The following ASCC3 variants were observed in gnomAD, a reference collection of about 807,000 sequenced individuals.
ASCC3 encodes activating signal cointegrator 1 complex subunit 3.
ASCC3 carries 158 observed loss-of-function variants against 256.3 expected under a neutral mutation model. The observed-to-expected ratio is 0.62, with a 90% CI of 0.54 to 0.70. The LOEUF is 0.70. ASCC3 is among the 30% of genes least tolerant of loss of function. The pLI is 0.00. For synonymous variants in ASCC3, 948 were observed against 883.4 expected, an observed-to-expected ratio of 1.07 and a Z score of -1.30; for missense variants, 2,259 against 2,626.0, an observed-to-expected ratio of 0.86 and a Z score of 3.05.
chr6:100,607,084 T>C lies in ASCC3; in HGVS notation c.4790A>G (p.Glu1597Gly), dbSNP rs773683481. 2 of 1,613,520 alleles carry C rather than the reference T, an allele frequency of 1.2e-6. No individual in the cohort carries two copies. Among genetic ancestry groups the C allele is most frequent in the Non-Finnish European group, 1.7e-6 (2 of 1,179,700 alleles). ...QWLNMDEREMENIIATVRDSN... is the reference protein window; with the variant it reads ...QWLNMDEREMGNIIATVRDSN... Reference sequence around the variant, plus strand: ...ATCTCTTACTGTTGCAATGATGTTCTCCATCTGCAAGTAAAAACAAAATTA... The same window carrying C: ...ATCTCTTACTGTTGCAATGATGTTCCCCATCTGCAAGTAAAAACAAAATTA... Residue 1597 changes from glutamate to glycine, a missense_variant, in exon 31 of 42, where the codon GAG becomes GGG. By Grantham distance (98) the Glu-to-Gly change is moderately conservative (BLOSUM62 -2). Transcript: ENST00000369162.
At chr6:100,840,949 AG>A (rs757515940) in intron 4 of ASCC3, among the ~76,000 whole-genome samples, 70 of 152,216 alleles carry the variant, frequency 4.6e-4, no homozygotes, top group Non-Finnish European at 8.8e-4. Flanking sequence ...AAAAAAAAAG[AG>A]AAAAAATTGA....
chr6:100,794,801 T>C (rs544860615), intron 8 of ASCC3, among the ~76,000 whole-genome samples: 2 of 152,054 alleles, frequency 1.3e-5, no homozygotes, highest in African/African-American at 4.8e-5. Flanking sequence ...CAGTAGTCCA[T>C]TTTTGCTGAA....
intron 37 of ASCC3, among the ~76,000 whole-genome samples, chr6:100,535,522 T>A (rs1005719061): frequency 3.7e-5 from 5 of 136,462 alleles, no homozygotes; most frequent in African/African-American, 5.6e-5. Context: ...CAGGCTAGAG[T>A]GCAGCAGCGC....
At chr6:100,585,262 G>T (rs1194500571) in intron 36 of ASCC3, among the ~76,000 whole-genome samples, 1 of 152,076 alleles carries the variant, frequency 6.6e-6, no homozygotes, top group African/African-American at 2.4e-5. Flanking sequence ...CATATTTCTT[G>T]GAGGCTTTGT....
At chr6:100,715,710 G>T (rs552849567) in intron 12 of ASCC3, among the ~76,000 whole-genome samples, 177 bp from the exon 13 acceptor site, 1 of 151,240 alleles carries the variant, frequency 6.6e-6, no homozygotes, top group Non-Finnish European at 1.5e-5. Context: ...AATATGCAAC[G>T]CAACTTAAAA....
At chr6:100,758,414 C>T (rs1334476439) in intron 10 of ASCC3, among the ~76,000 whole-genome samples, 3 of 152,032 alleles carry the variant, frequency 2.0e-5, no homozygotes, top group African/African-American at 7.2e-5. Flanking sequence ...GTTCCCCTCC[C>T]TGTGTCCATG....
At chr6:100,785,833 G>A (rs1003502604) in intron 8 of ASCC3, among the ~76,000 whole-genome samples, 1 of 152,082 alleles carries the variant, frequency 6.6e-6, no homozygotes, top group African/African-American at 2.4e-5. Flanking sequence ...AATACAGATG[G>A]ACCTTAGAAA....
In ASCC3 at chr6:100,662,005, C is replaced by A. The variant is rs765590286; in HGVS notation, c.2504G>T (p.Arg835Ile). The A allele has an allele frequency of 5.6e-6, 9 of 1,613,076 alleles. No homozygotes were observed. The highest frequency in any genetic ancestry group is 6.8e-6 in the Non-Finnish European group (8 of 1,179,420). Residue 835 changes from arginine (R) to isoleucine (I), a missense_variant, in exon 16 of 42, where the codon AGA (arginine) becomes ATA (isoleucine). By Grantham distance (97) the Arg-to-Ile change is moderately conservative. Around this residue, in one of 2 missense-constraint regions of ASCC3, gnomAD observed 1,839 missense variants for 2,206.7 expected, o/e 0.83. Transcript: ENST00000369162. ...IKGTQIYAAK[R>I]GSFVDLGILD... ...AATTCCAAGGTCAACAAAGGAGCCT[C>A]TTTTTGCAGCATATATTTGTGTTCC...
At chr6:100,847,550 A>C (rs1338704894) in intron 4 of ASCC3, among the ~76,000 whole-genome samples, 1 of 152,206 alleles carries the variant, frequency 6.6e-6, no homozygotes, top group Non-Finnish European at 1.5e-5. Context: ...AATGTGATTT[A>C]AAAATTCTTA....
intron 36 of ASCC3, among the ~76,000 whole-genome samples, chr6:100,585,110 A>G (rs1485215855): frequency 6.6e-6 from 1 of 151,976 alleles, no homozygotes; most frequent in Admixed American, 6.6e-5. Flanking sequence ...GTATTTCCTG[A>G]ATCTGAATGT....
chr6:100,774,322 ACATGACACGTACATGT>A (rs1186048514), intron 8 of ASCC3, among the ~76,000 whole-genome samples: 1 of 151,880 alleles, frequency 6.6e-6, no homozygotes, highest in Non-Finnish European at 1.5e-5. Flanking sequence ...ATGTGCATGT[ACATGACACGTACATGT>A]CATGACACGT....
chr6:100,771,360 TGA>T (rs1361769765), intron 8 of ASCC3, among the ~76,000 whole-genome samples: 1 of 152,168 alleles, frequency 6.6e-6, no homozygotes, highest in Admixed American at 6.5e-5. Context: ...TTTGTGAATG[TGA>T]GTTATGCCAA....
At chr6:100,780,261 T>C (rs575120302) in intron 8 of ASCC3, among the ~76,000 whole-genome samples, 177 of 152,328 alleles carry the variant, frequency 1.2e-3, no homozygotes, top group Non-Finnish European at 1.9e-3. Context: ...ATGTGGTTAA[T>C]GGCTACTATG....
intron 36 of ASCC3, among the ~76,000 whole-genome samples, chr6:100,550,985 A>G (rs1034025793): frequency 6.6e-6 from 1 of 151,960 alleles, no homozygotes; most frequent in Non-Finnish European, 1.5e-5. Context: ...TCTAAGTTTA[A>G]TAAGTTTAAT....
chr6:100,830,741 CAAG>C (rs1329319107), intron 4 of ASCC3, among the ~76,000 whole-genome samples: 1 of 152,156 alleles, frequency 6.6e-6, no homozygotes, highest in African/African-American at 2.4e-5. Flanking sequence ...ATTCAATTCA[CAAG>C]AAGATTATAT....
intron 20 of ASCC3, among the ~76,000 whole-genome samples, chr6:100,648,648 C>A (rs1020546630): frequency 2.0e-5 from 3 of 151,844 alleles, no homozygotes; most frequent in African/African-American, 7.2e-5. Flanking sequence ...CTTTATAAGG[C>A]CCAGAGAATA....
intron 36 of ASCC3, among the ~76,000 whole-genome samples, chr6:100,563,686 A>G (rs1464106830): frequency 6.6e-6 from 1 of 152,174 alleles, no homozygotes; most frequent in African/African-American, 2.4e-5. Context: ...GAACAATCCC[A>G]TATGTAAGGC....
intron 34 of ASCC3, among the ~76,000 whole-genome samples, chr6:100,599,767 G>A (rs1772502585): frequency 6.6e-6 from 1 of 152,128 alleles, no homozygotes; most frequent in Non-Finnish European, 1.5e-5. Flanking sequence ...TGGCCTCAGA[G>A]AATTATGTCT....
In ASCC3 at chr6:100,650,656, G is replaced by C. The variant is rs759766458; in HGVS notation, c.3134C>G (p.Ser1045Cys). 2 of 1,612,438 alleles carry C rather than the reference G, an allele frequency of 1.2e-6. No homozygotes were observed. Among genetic ancestry groups the C allele is most frequent in the Non-Finnish European group, 1.7e-6 (2 of 1,178,856 alleles). ...DTLLSNFCEL[S>C]TPGGVENSYG... is the part of the protein sequence containing the mutation. ...ACTATTCTCTACACCTCCAGGAGTG[G>C]AGAGTTCACAAAAATTGCTTAATAA... Residue 1045 changes from serine (S) to cysteine (C), a missense_variant, in exon 20 of 42, where the codon TCC becomes TGC. Coordinates refer to ENST00000369162, the MANE Select transcript of ASCC3 (RefSeq NM_006828.4).
Sources: allele counts gnomAD v4.1 joint callset (sites outside exome capture counted in the v4.1 genomes callset), GRCh38; gene constraint gnomAD v4.1.1; regional missense constraint gnomAD v4.1.1; transcripts MANE v1.5; gene names NCBI Gene and HGNC (gene_info 2026-07-23, HGNC 2026-07-21).